LYRM4: variants seen among roughly 807,000 people sequenced by gnomAD.
LYRM4 encodes the protein LYR motif containing 4, also known as LYR motif-containing protein 4.
Under a neutral mutation model 11.7 loss-of-function variants are expected in LYRM4, and 9 were observed. The observed-to-expected ratio is 0.77, with a 90% CI of 0.46 to 1.34. The LOEUF (loss-of-function observed/expected upper bound fraction) is 1.34. Ranked by LOEUF, LYRM4 falls within the 40% of genes most tolerant of loss-of-function variation. The pLI, the probability that LYRM4 is intolerant of heterozygous loss-of-function variation, is 0.00. For synonymous variants in LYRM4, 42 were observed against 40.4 expected (o/e 1.04, Z -0.15); for missense variants, 133 against 112.5 (o/e 1.18, Z -0.82).
chr6:5,202,681 C>T (rs549274619), intron 2 of LYRM4, among the ~76,000 whole-genome samples: 3 of 152,264 alleles, frequency 2.0e-5, no homozygotes, highest in South Asian at 4.1e-4. Context: ...GCCATAAGTT[C>T]GTATGTATGT....
At chr6:5,086,823 G>T in the LYRM4 span, 1 of 511,344 alleles carries the variant, frequency 2.0e-6, no homozygotes, top group East Asian at 3.3e-5. Context: ...AAGGCCTCTA[G>T]AATTCCCAGC....
chr6:5,231,999 A>G (rs917982221), intron 1 of LYRM4, among the ~76,000 whole-genome samples: 4 of 152,214 alleles, frequency 2.6e-5, no homozygotes, highest in African/African-American at 9.6e-5. Flanking sequence ...TTGAGCAAAC[A>G]TTTGCATTTA....
At chr6:5,178,926 C>T (rs894902816) in intron 2 of LYRM4, among the ~76,000 whole-genome samples, 7 of 150,270 alleles carry the variant, frequency 4.7e-5, no homozygotes, top group African/African-American at 1.2e-4. Context: ...TTGAATCCAC[C>T]GTTTCAAAAG....
intron 2 of LYRM4, among the ~76,000 whole-genome samples, chr6:5,142,707 T>C (rs1414374307): frequency 6.6e-6 from 1 of 152,212 alleles, no homozygotes; most frequent in East Asian, 1.9e-4. Context: ...CCTTAAAACC[T>C]GAAACATGAT....
chr6:5,186,983 T>TA (rs34616988), intron 2 of LYRM4: 59,429 of 695,044 alleles, frequency 0.086, 1 homozygote, highest in Non-Finnish European at 0.096. Context: ...GAGTCCATCT[T>TA]AAAAAAAAAA....
intron 1 of LYRM4, among the ~76,000 whole-genome samples, chr6:5,236,071 G>A (rs965481955): frequency 6.6e-6 from 1 of 152,194 alleles, no homozygotes; most frequent in Non-Finnish European, 1.5e-5. Context: ...TGAGCGCAGA[G>A]GGAAAGCCAT....
chr6:5,126,097 G>A (rs1313947368), intron 2 of LYRM4, among the ~76,000 whole-genome samples: 1 of 152,204 alleles, frequency 6.6e-6, no homozygotes, highest in African/African-American at 2.4e-5. Context: ...GAAAGCTGCA[G>A]AGTTTACCAC....
chr6:5,145,597 C>T (rs1212036844), intron 2 of LYRM4, among the ~76,000 whole-genome samples: 2 of 152,156 alleles, frequency 1.3e-5, no homozygotes, highest in African/African-American at 4.8e-5. Context: ...AGCAATAGGA[C>T]CCCAGCCTTA....
intron 2 of LYRM4, among the ~76,000 whole-genome samples, chr6:5,156,889 A>G (rs1298294660): frequency 4.0e-5 from 6 of 151,868 alleles, no homozygotes; most frequent in African/African-American, 1.5e-4. Flanking sequence ...AAATCACAAC[A>G]GACATGATGG....
intron 2 of LYRM4, among the ~76,000 whole-genome samples, chr6:5,159,031 T>C (rs1000305391): frequency 1.3e-5 from 2 of 152,138 alleles, no homozygotes; most frequent in African/African-American, 4.8e-5. Context: ...GGTGGGATCA[T>C]GGAAATTCTA....
the LYRM4 span, among the ~76,000 whole-genome samples, chr6:5,069,874 T>C: frequency 6.6e-6 from 1 of 152,372 alleles, no homozygotes; most frequent in East Asian, 1.9e-4. Context: ...TTTGTGTCTG[T>C]TTTATTTACT....
chr6:5,071,321 T>C, the LYRM4 span, among the ~76,000 whole-genome samples: 1 of 152,202 alleles, frequency 6.6e-6, no homozygotes, highest in Non-Finnish European at 1.5e-5. Context: ...ATAAAAGTCA[T>C]ATACAATGAT....
chr6:5,060,037 T>C, the LYRM4 span, among the ~76,000 whole-genome samples: 1 of 152,310 alleles, frequency 6.6e-6, no homozygotes, highest in East Asian at 1.9e-4. Context: ...CTTTGGCCCC[T>C]CCAACATGAA....
chr6:5,164,595 A>C (rs751750474), intron 2 of LYRM4, among the ~76,000 whole-genome samples: 1 of 152,194 alleles, frequency 6.6e-6, no homozygotes, highest in South Asian at 2.1e-4. Flanking sequence ...ACTGCAAAAA[A>C]ATTCTAGGTG....
chr6:5,207,059 G>A (rs777433673), intron 2 of LYRM4, among the ~76,000 whole-genome samples: 1 of 152,134 alleles, frequency 6.6e-6, no homozygotes, highest in African/African-American at 2.4e-5. Context: ...TCAATACCAC[G>A]ACCAAGGATA....
intron 2 of LYRM4, among the ~76,000 whole-genome samples, chr6:5,128,993 A>C (rs113667862): frequency 6.6e-6 from 1 of 152,268 alleles, no homozygotes; most frequent in African/African-American, 2.4e-5. Flanking sequence ...TTGCTCAAAA[A>C]ACTGCTCAAT....
At chr6:5,216,949 G>A (rs1028278017) in intron 1 of LYRM4, among the ~76,000 whole-genome samples, 2 of 152,176 alleles carry the variant, frequency 1.3e-5, no homozygotes, top group Non-Finnish European at 2.9e-5. Context: ...TACTCAACAA[G>A]TCACATACAA....
intron 1 of LYRM4, among the ~76,000 whole-genome samples, chr6:5,259,269 C>A (rs1214410608): frequency 6.6e-6 from 1 of 152,170 alleles, no homozygotes; most frequent in Non-Finnish European, 1.5e-5. Flanking sequence ...ATTTATTTAA[C>A]TTGCATATTT....
At chr6:5,131,163 T>C (rs1229026898) in intron 2 of LYRM4, among the ~76,000 whole-genome samples, 1 of 152,130 alleles carries the variant, frequency 6.6e-6, no homozygotes, top group Non-Finnish European at 1.5e-5. Context: ...TCTAAAACCT[T>C]CAAACTAAAT....
Sources: gnomAD v4.1 joint callset for allele counts (sites outside exome capture counted in the v4.1 genomes callset) on GRCh38, gnomAD v4.1.1 for gene constraint, MANE v1.5 for transcripts, NCBI Gene and HGNC (gene_info 2026-07-23, HGNC 2026-07-21) for gene names.